PACRG: variants seen among roughly 807,000 people sequenced by gnomAD.
PACRG encodes parkin coregulated gene protein.
PACRG carries 29 observed loss-of-function variants against 29.7 expected under a neutral mutation model. That is an observed-to-expected ratio of 0.98 (90% confidence interval 0.73 to 1.33). The LOEUF is 1.33. Among genes scored for constraint, PACRG ranks in the 40% most tolerant of loss-of-function variants. The probability of loss-of-function intolerance (pLI) is 0.00; values close to 1 mark genes in which losing one functional copy is unlikely to be tolerated. For synonymous variants in PACRG, 116 were observed against 118.7 expected (o/e 0.98, Z 0.15); for missense variants, 279 against 316.2 (o/e 0.88, Z 0.89).
chr6:163,051,073 G>A (rs1455276855), intron 2 of PACRG, among the ~76,000 whole-genome samples: 1 of 152,086 alleles, frequency 6.6e-6, no homozygotes, highest in African/African-American at 2.4e-5. Context: ...TTCCAGCTCC[G>A]TGATCCAGAT....
Position 162,844,762 on chromosome 6 carries a change from A to G in PACRG, c.291+30481A>G, listed in dbSNP as rs552464895. ...TGGTTTTCATTTCTTATTGATCACA[A>G]TCCTTCATTGTCTGCTGTTAAACAT... On this transcript the variant is annotated intron_variant, in intron 2 of 4. Transcript: ENST00000366888. 3.9e-5 allele frequency among the ~76,000 whole-genome samples: 6 copies of G among 152,370 alleles called. No homozygotes were observed. In the South Asian group the frequency reaches 1.2e-3, roughly 32 times the overall value.
intron 4 of PACRG, chr6:163,310,872 G>C (rs1333487073): frequency 6.6e-6 from 1 of 152,088 alleles, no homozygotes; most frequent in Non-Finnish European, 1.5e-5. Flanking sequence ...CAAGATATAC[G>C]GCTGTCCCTT....
Position 162,947,311 on chromosome 6 carries a change from A to G in PACRG, c.292-114839A>G, listed in dbSNP as rs1333786413. Among the ~76,000 whole-genome samples, 83 of 90,682 alleles carry G rather than the reference A, an allele frequency of 9.2e-4. 2 individuals carry two copies. The highest frequency in any genetic ancestry group is 3.4e-3 in the African/African-American group (78 of 23,282). 59.5% of individuals were successfully genotyped at this position (90,682 alleles called of 152,430 possible). A position where few individuals can be genotyped will look rare whatever the true frequency, so the allele number is the denominator to read the frequency against. ...ATACATATAATCATATAATATATAT[A>G]ATCATATATAATACATATAATCATA... On this transcript the variant is annotated intron_variant, in intron 2 of 4. Coordinates refer to ENST00000366888, the MANE Select transcript of PACRG (RefSeq NM_001080379.2).
intron 2 of PACRG, among the ~76,000 whole-genome samples, chr6:162,898,483 T>C (rs1006136185): frequency 3.3e-5 from 5 of 152,224 alleles, no homozygotes; most frequent in Admixed American, 1.3e-4. Flanking sequence ...TAAATACATA[T>C]AGCCTTTCAG....
chr6:162,738,583 C>G (rs1285233113), intron 1 of PACRG, among the ~76,000 whole-genome samples: 2 of 152,140 alleles, frequency 1.3e-5, no homozygotes, highest in African/African-American at 4.8e-5. Context: ...GAGGCAAGCC[C>G]AATCTTTGTA....
At chr6:163,283,280 T>G (rs942924537) in intron 4 of PACRG, among the ~76,000 whole-genome samples, 20 of 152,220 alleles carry the variant, frequency 1.3e-4, no homozygotes, top group African/African-American at 4.8e-4. Flanking sequence ...AACACAACAT[T>G]CCTGATGATT....
At chr6:163,298,599 T>C (rs1784870542) in intron 4 of PACRG, among the ~76,000 whole-genome samples, 1 of 152,232 alleles carries the variant, frequency 6.6e-6, no homozygotes, top group East Asian at 1.9e-4. Flanking sequence ...AAGATGTTGA[T>C]TGCATCACTC....
rs1562556373 is a variant in PACRG at position 162,747,358 on chromosome 6, ATATAT to A, written c.156+18968_156+18972del. Among the ~76,000 whole-genome samples the A allele has an allele frequency of 3.1e-5, 2 of 65,034 alleles. 1 individual carries two copies. Among genetic ancestry groups the A allele is most frequent in the African/African-American group, 1.9e-4 (2 of 10,534 alleles). The allele number at this position is 65,034 out of a possible 152,430, so 42.7% of individuals were successfully genotyped here. ...TATATATATATATATATATATATAT[ATATAT>A]ACACATACATATATATGTATATATA... On this transcript the variant is annotated intron_variant, in intron 1 of 4. Coordinates refer to ENST00000366888, the MANE Select transcript of PACRG (RefSeq NM_001080379.2).
At chr6:163,138,625 A>G (rs971261044) in intron 4 of PACRG, among the ~76,000 whole-genome samples, 1 of 152,152 alleles carries the variant, frequency 6.6e-6, no homozygotes, top group African/African-American at 2.4e-5. Context: ...TGCTGACCTG[A>G]CAGGAGGCGG....
chr6:163,229,308 C>T (rs1268960738), intron 4 of PACRG, among the ~76,000 whole-genome samples: 2 of 152,008 alleles, frequency 1.3e-5, no homozygotes, highest in Non-Finnish European at 2.9e-5. Flanking sequence ...ATAATCGTGC[C>T]ACAGCACTCC....
intron 1 of PACRG, among the ~76,000 whole-genome samples, chr6:162,784,607 A>C (rs1784323695): frequency 6.6e-6 from 1 of 152,116 alleles, no homozygotes; most frequent in Non-Finnish European, 1.5e-5. Context: ...AGTTGGTTCT[A>C]AGAGTGGTGT....
chr6:163,238,912 T>G (rs1461045624), intron 4 of PACRG, among the ~76,000 whole-genome samples: 3 of 152,204 alleles, frequency 2.0e-5, no homozygotes, highest in African/African-American at 4.8e-5. Context: ...CAACCTCACT[T>G]TTGGCGTGTA....
At chr6:162,779,197 C>A (rs1225262347) in intron 1 of PACRG, among the ~76,000 whole-genome samples, 3 of 152,216 alleles carry the variant, frequency 2.0e-5, no homozygotes, top group South Asian at 2.1e-4. Flanking sequence ...CGTTTCCCTG[C>A]AAAGGACATA....
intron 2 of PACRG, among the ~76,000 whole-genome samples, chr6:162,996,944 A>C (rs570380966): frequency 2.7e-4 from 41 of 152,098 alleles, no homozygotes; most frequent in Non-Finnish European, 4.7e-4. Flanking sequence ...TAGTCATTAA[A>C]CTCCAGGGAG....
chr6:163,256,511 C>A (rs889575883), intron 4 of PACRG, among the ~76,000 whole-genome samples: 6 of 152,120 alleles, frequency 3.9e-5, no homozygotes, highest in African/African-American at 1.4e-4. Context: ...TGAGGTGCAA[C>A]CTAAAGCCAG....
chr6:163,183,256 G>A, intron 4 of PACRG: 1 of 148,026 alleles, frequency 6.8e-6, no homozygotes, highest in Non-Finnish European at 1.5e-5. Flanking sequence ...GGGGCTCGAA[G>A]GGCATGGAAG....
chr6:163,268,019 T>C (rs1389361454), intron 4 of PACRG, among the ~76,000 whole-genome samples: 1 of 152,136 alleles, frequency 6.6e-6, no homozygotes, highest in Non-Finnish European at 1.5e-5. Flanking sequence ...GAAAGAAAAA[T>C]TTAGCTAGCT....
chr6:163,101,417 T>A (rs1051528385), intron 4 of PACRG: 3 of 948,066 alleles, frequency 3.2e-6, no homozygotes, highest in Non-Finnish European at 3.7e-6. Flanking sequence ...ATGTTACATA[T>A]GTTTGTATGA....
chr6:162,934,276 A>G (rs1478506987), intron 2 of PACRG, among the ~76,000 whole-genome samples: 2 of 152,030 alleles, frequency 1.3e-5, no homozygotes, highest in Admixed American at 6.6e-5. Flanking sequence ...AAAAAAATAA[A>G]TAAATGAAAA....
Sources: gnomAD v4.1 joint callset for allele counts (sites outside exome capture counted in the v4.1 genomes callset) on GRCh38, gnomAD v4.1.1 for gene constraint, MANE v1.5 for transcripts, NCBI Gene and HGNC (gene_info 2026-07-23, HGNC 2026-07-21) for gene names.